KCNG3: variants seen among roughly 807,000 people sequenced by gnomAD.
KCNG3 encodes voltage-gated potassium channel regulatory subunit KCNG3.
Under a neutral mutation model 29.0 loss-of-function variants are expected in KCNG3, and 15 were observed. That is an observed-to-expected ratio of 0.52 (90% CI 0.35 to 0.80). KCNG3 has a LOEUF of 0.80. Ranked by LOEUF, KCNG3 falls within the 30% of genes least tolerant of loss-of-function variation. The probability of loss-of-function intolerance (pLI) is 0.01; values close to 1 mark genes in which losing one functional copy is unlikely to be tolerated. For synonymous variants in KCNG3, 322 were observed against 248.9 expected, an observed-to-expected ratio of 1.29 and a Z score of -2.76; for missense variants, 512 against 605.7, an observed-to-expected ratio of 0.85 and a Z score of 1.62.
At position 42,493,594 on chromosome 2, in the gene KCNG3, G is replaced by A. The variant is rs533277858; in HGVS notation, c.-93C>T. The stretch of plus-strand genomic sequence containing the variant: ...GGGGCCTGCCTGCCCGTGGCTGACG[G>A]GGGAGCGCGCCGTCGGGGCCCGCGC... On this transcript the variant is annotated 5_prime_UTR_variant, in exon 1 of 2. Transcript: ENST00000306078. 2.7e-5 allele frequency: 31 copies of A among 1,161,000 alleles called. No individual in the cohort carries two copies. The East Asian group carries it at 7.9e-4, about 30-fold the overall frequency. The allele number at this position is 1,161,000 out of a possible 1,614,324, so 71.9% of individuals were successfully genotyped here.
the KCNG3 span, among the ~76,000 whole-genome samples, chr2:42,408,584 G>A: frequency 1.3e-5 from 2 of 152,104 alleles, no homozygotes; most frequent in East Asian, 1.9e-4. Flanking sequence ...CTGAACACTT[G>A]TTGGGACACC....
At chr2:42,428,753 A>C in the KCNG3 span, among the ~76,000 whole-genome samples, 2 of 152,204 alleles carry the variant, frequency 1.3e-5, no homozygotes, top group African/African-American at 4.8e-5. Context: ...AGAAAGATCC[A>C]CAACTCAAAT....
chr2:42,472,130 A>G (rs1673304823), intron 1 of KCNG3, among the ~76,000 whole-genome samples: 1 of 152,190 alleles, frequency 6.6e-6, no homozygotes, highest in African/African-American at 2.4e-5. Flanking sequence ...TAGATGCATT[A>G]AAGAAGGTCT....
rs888165840 is a variant in KCNG3 at position 42,486,628 on chromosome 2, C to A, written c.665+6209G>T. ...TCCTGTAGACAAGCCCAGCCCATTG[C>A]CATCTCAGTGGCATCTTTGCATTAG... On this transcript the variant is annotated intron_variant, in intron 1 of 1. Transcript: ENST00000306078. Among the ~76,000 whole-genome samples the A allele has an allele frequency of 2.0e-5, 3 of 152,220 alleles. No homozygotes were observed. In the East Asian group the frequency reaches 5.8e-4, roughly 29 times the overall value.
chr2:42,493,072 C>A lies in KCNG3; in HGVS notation c.430G>T (p.Gly144Trp). ...CGCCTGGAGGGAGCCGCCTCGGCCC[C>A]GCCGGGGCGCGCCTCGTCGCGGCCC... is the stretch of plus-strand genomic sequence containing the variant. ...VLGRDEARPG[G>W]AEAAPSRRWL... is the part of the protein sequence containing the mutation. The change falls in exon 1 of 2, where the codon GGG becomes TGG. Residue 144 changes from glycine (G) to tryptophan (W), a missense_variant. By Grantham distance (184) the Gly-to-Trp change is radical. Around this residue, in one of 5 missense-constraint regions of KCNG3, gnomAD observed 228 missense variants for 200.0 expected, o/e 1.14. Coordinates refer to ENST00000306078, the MANE Select transcript of KCNG3 (RefSeq NM_133329.6). 6.5e-7 allele frequency: 1 copy of A among 1,544,726 alleles called. No homozygotes were observed.
the KCNG3 span, among the ~76,000 whole-genome samples, chr2:42,430,267 C>A: frequency 6.6e-6 from 1 of 151,672 alleles, no homozygotes; most frequent in Admixed American, 6.6e-5. Context: ...GCTTGGGAGG[C>A]TGAAGTGGGA....
the KCNG3 span, among the ~76,000 whole-genome samples, chr2:42,409,929 G>T: frequency 1.3e-5 from 2 of 151,924 alleles, no homozygotes; most frequent in South Asian, 4.2e-4. Flanking sequence ...ATTTCATGAA[G>T]CTTACAGTAA....
intron 1 of KCNG3, among the ~76,000 whole-genome samples, chr2:42,447,654 T>G (rs1169810101): frequency 6.6e-6 from 1 of 152,104 alleles, no homozygotes; most frequent in African/African-American, 2.4e-5. Context: ...TAGCTGGGAC[T>G]AAGGCACGTA....
At chr2:42,412,598 C>T in the KCNG3 span, among the ~76,000 whole-genome samples, 1 of 152,076 alleles carries the variant, frequency 6.6e-6, no homozygotes, top group Non-Finnish European at 1.5e-5. Flanking sequence ...ATGCATGATT[C>T]TTATTTCTTG....
the KCNG3 span, among the ~76,000 whole-genome samples, chr2:42,405,686 A>C: frequency 1.3e-5 from 2 of 151,732 alleles, no homozygotes; most frequent in East Asian, 1.9e-4. Context: ...CAGCTCACTG[A>C]AAGCTCCGCC....
intron 1 of KCNG3, among the ~76,000 whole-genome samples, chr2:42,484,553 T>C (rs985572370): frequency 2.0e-5 from 3 of 152,244 alleles, no homozygotes; most frequent in African/African-American, 7.2e-5. Flanking sequence ...TGTTTGTGTG[T>C]GTGTGTACAC....
chr2:42,452,770 GGTGTGTGT>G (rs57111452), intron 1 of KCNG3, among the ~76,000 whole-genome samples: 8,248 of 150,206 alleles, frequency 0.055, 254 homozygotes, highest in Middle Eastern at 0.1. Flanking sequence ...CATTCAACTG[GGTGTGTGT>G]GTGTGTGTGT....
At chr2:42,403,794 T>G in the KCNG3 span, among the ~76,000 whole-genome samples, 9 of 151,640 alleles carry the variant, frequency 5.9e-5, no homozygotes, top group African/African-American at 2.2e-4. Context: ...AGAGATGAGG[T>G]CTCACTATAT....
rs1672504573 is a variant in KCNG3, at chr2:42,442,374, G to C, written c.*1560C>G. 1 of 152,192 alleles carries C rather than the reference G, an allele frequency of 6.6e-6. No individual in the cohort carries two copies. Among genetic ancestry groups the C allele is most frequent in the South Asian group, 2.1e-4 (1 of 4,826 alleles). The allele number at this position is 152,192 out of a possible 1,614,324, so 9.4% of individuals were successfully genotyped here. A position where few individuals can be genotyped will look rare whatever the true frequency, so the allele number is the denominator to read the frequency against. On this transcript the variant is annotated 3_prime_UTR_variant, in exon 2 of 2. Transcript: ENST00000306078. ...CTTTTCTCAGAACCCAGAGATGTGT[G>C]AAGATTAACCTGCTGGGCTAGGTTT... is the stretch of plus-strand genomic sequence containing the variant.
downstream of KCNG3, among the ~76,000 whole-genome samples, chr2:42,439,923 G>T (rs987311082): frequency 2.0e-5 from 3 of 152,180 alleles, no homozygotes; most frequent in Admixed American, 1.3e-4. Context: ...GATTACAGGC[G>T]TGAGTCACCA....
At chr2:42,413,045 C>T in the KCNG3 span, among the ~76,000 whole-genome samples, 1 of 152,186 alleles carries the variant, frequency 6.6e-6, no homozygotes, top group African/African-American at 2.4e-5. Flanking sequence ...TCATAGTTCA[C>T]TGCAGCTTTT....
chr2:42,452,243 A>ATATATTT, intron 1 of KCNG3, among the ~76,000 whole-genome samples: 2 of 95,048 alleles, frequency 2.1e-5, no homozygotes, highest in East Asian at 4.6e-4. Context: ...ATATATATAT[A>ATATATTT]TTTTTTTTTT....
In KCNG3 at chr2:42,493,108, G is replaced by A; in HGVS notation, c.394C>T (p.Pro132Ser). 6.3e-7 allele frequency: 1 copy of A among 1,590,686 alleles called. No homozygotes were observed. The highest frequency in any genetic ancestry group is 1.7e-5 in the Admixed American group (1 of 58,002). The change falls in exon 1 of 2, where the codon CCG becomes TCG. Residue 132 changes from proline (P) to serine (S), a missense_variant. Transcript: ENST00000306078. ...GCCTCGTCGCGGCCCAGCACGCCCG[G>A]CTCGTCGGCCGAGTAGAAGGTGTAG... ...DTYTFYSADE[P>S]GVLGRDEARP... is the part of the protein sequence containing the mutation.
At chr2:42,390,947 T>C in the KCNG3 span, among the ~76,000 whole-genome samples, 1 of 152,136 alleles carries the variant, frequency 6.6e-6, no homozygotes, top group Non-Finnish European at 1.5e-5. Flanking sequence ...GGCAGTCCAG[T>C]TTTGCCTTAG....
Sources: allele counts gnomAD v4.1 joint callset (sites outside exome capture counted in the v4.1 genomes callset), GRCh38; gene constraint gnomAD v4.1.1; regional missense constraint gnomAD v4.1.1; transcripts MANE v1.5; gene names NCBI Gene and HGNC (gene_info 2026-07-23, HGNC 2026-07-21).